STXBP6: variants seen among roughly 807,000 people sequenced by gnomAD.
STXBP6 encodes the protein syntaxin-binding protein 6.
Under a neutral mutation model 26.9 loss-of-function variants are expected in STXBP6, and 21 were observed. The observed-to-expected ratio is 0.78, with a 90% CI of 0.55 to 1.12. The LOEUF (loss-of-function observed/expected upper bound fraction) is 1.12, where lower values mean the gene tolerates loss of function less well. Ranked by LOEUF, STXBP6 falls within the 50% of genes most tolerant of loss-of-function variation. The probability of loss-of-function intolerance (pLI) is 0.00; values close to 1 mark genes in which losing one functional copy is unlikely to be tolerated. For missense variants in STXBP6, 232 were observed against 257.9 expected, an observed-to-expected ratio of 0.90 and a Z score of 0.69; for synonymous variants, 97 against 92.6, an observed-to-expected ratio of 1.05 and a Z score of -0.27.
At position 24,998,006 on chromosome 14, in the gene STXBP6, T is replaced by A. The variant is rs116134725; in HGVS notation, c.-32-23156A>T. On this transcript the variant is annotated intron_variant, in intron 1 of 5. Transcript: ENST00000323944. ...TCCAATTTTTCAATGGTAAAAAATA[T>A]AACCACCATTGTGCATCTGTGCAAA... 6.7e-3 allele frequency among the ~76,000 whole-genome samples: 1,020 copies of A among 152,348 alleles called. 8 individuals carry two copies. The highest frequency in any genetic ancestry group is 0.023 in the African/African-American group (955 of 41,586).
chr14:25,049,538 G>C lies in STXBP6; in HGVS notation c.-33+340C>G, dbSNP rs868242356. Reference sequence around the variant, plus strand: ...CGGGGCCCATGCCATCGCGGGGACGGTGCGGAAAAAAAGGCTCCATCCTCA... The same window carrying C: ...CGGGGCCCATGCCATCGCGGGGACGCTGCGGAAAAAAAGGCTCCATCCTCA... On this transcript the variant is annotated intron_variant, in intron 1 of 5. Coordinates refer to ENST00000323944, the MANE Select transcript of STXBP6 (RefSeq NM_001394410.1). This position sits in a 1 kb window ranked among gnomAD's most constrained non-coding sequence, Gnocchi z 5.6. 1.2e-5 allele frequency: 12 copies of C among 985,336 alleles called. No homozygotes were observed. The highest frequency in any genetic ancestry group is 5.2e-4 in the Middle Eastern group (1 of 1,936). 61.0% of individuals were successfully genotyped at this position (985,336 alleles called of 1,614,324 possible).
At chr14:25,037,178 G>C (rs569091636) in intron 1 of STXBP6, among the ~76,000 whole-genome samples, 37 of 152,280 alleles carry the variant, frequency 2.4e-4, no homozygotes, top group Admixed American at 1.3e-3. Flanking sequence ...GTGTCCTGAA[G>C]CCTGACACAG....
At chr14:24,927,782 T>C (rs2072232020) in intron 2 of STXBP6, among the ~76,000 whole-genome samples, 2 of 152,194 alleles carry the variant, frequency 1.3e-5, no homozygotes, top group African/African-American at 4.8e-5. Flanking sequence ...TTAGGACAGT[T>C]TTCCCCCTCC....
intron 1 of STXBP6, among the ~76,000 whole-genome samples, chr14:25,001,701 A>T (rs950449084): frequency 1.3e-5 from 2 of 152,166 alleles, no homozygotes; most frequent in African/African-American, 4.8e-5. Flanking sequence ...TAATTCCAAC[A>T]TCTGTTTCAA....
At chr14:25,046,994 T>A (rs935540454) in intron 1 of STXBP6, among the ~76,000 whole-genome samples, 2 of 152,202 alleles carry the variant, frequency 1.3e-5, no homozygotes, top group African/African-American at 4.8e-5. Context: ...GGGACATTTG[T>A]CGTGGGGTGT....
chr14:24,895,651 TA>T (rs2070961537), intron 2 of STXBP6, among the ~76,000 whole-genome samples: 1 of 152,164 alleles, frequency 6.6e-6, no homozygotes, highest in Non-Finnish European at 1.5e-5. Context: ...TCCTCTCAAA[TA>T]CGCAGAAGAT....
At chr14:24,831,474 G>A (rs1214754353) in intron 4 of STXBP6, among the ~76,000 whole-genome samples, 1 of 152,092 alleles carries the variant, frequency 6.6e-6, no homozygotes, top group African/African-American at 2.4e-5. Flanking sequence ...AATAAAAAGG[G>A]TGGAAAATAA....
In STXBP6 at chr14:24,895,444, G is replaced by A. The variant is rs936552620; in HGVS notation, c.155-38287C>T. Among the ~76,000 whole-genome samples the A allele has an allele frequency of 4.6e-5, 7 of 152,182 alleles. No homozygotes were observed. The South Asian group carries it at 1.4e-3, about 31-fold the overall frequency. On this transcript the variant is annotated intron_variant, in intron 2 of 5. Coordinates refer to ENST00000323944, the MANE Select transcript of STXBP6 (RefSeq NM_001394410.1). ...TTACTGGCATTCATGTCCAGTGAAAGGAAGGCGGTTAGGAGGAGTCGCAAT... is the reference window on the plus strand; with the variant it reads ...TTACTGGCATTCATGTCCAGTGAAAAGAAGGCGGTTAGGAGGAGTCGCAAT...
intron 1 of STXBP6, among the ~76,000 whole-genome samples, chr14:25,028,486 A>G (rs1283402371): frequency 6.6e-6 from 1 of 151,588 alleles, no homozygotes; most frequent in Non-Finnish European, 1.5e-5. Context: ...TTTTAAGCTC[A>G]TTGTTGAGAC....
chr14:24,955,756 A>G (rs147900491), intron 2 of STXBP6, among the ~76,000 whole-genome samples: 1 of 152,288 alleles, frequency 6.6e-6, no homozygotes, highest in Non-Finnish European at 1.5e-5. Context: ...AAGAGCACTG[A>G]ACCAACTGTG....
At chr14:24,933,112 G>A (rs1034231300) in intron 2 of STXBP6, among the ~76,000 whole-genome samples, 16 of 152,176 alleles carry the variant, frequency 1.1e-4, no homozygotes, top group East Asian at 7.7e-4. Context: ...AGGCCAAGGC[G>A]GATGGATTGC....
chr14:24,979,995 C>T (rs2074144628), intron 1 of STXBP6, among the ~76,000 whole-genome samples: 1 of 152,126 alleles, frequency 6.6e-6, no homozygotes, highest in African/African-American at 2.4e-5. Flanking sequence ...GACAAAGAAA[C>T]ACAATAATCT....
chr14:24,893,525 G>C (rs982710171), intron 2 of STXBP6, among the ~76,000 whole-genome samples: 1 of 152,182 alleles, frequency 6.6e-6, no homozygotes, highest in Non-Finnish European at 1.5e-5. Flanking sequence ...ACTTAAGAGT[G>C]TTAGGTAACA....
chr14:24,953,719 C>T (rs76965732), intron 2 of STXBP6, among the ~76,000 whole-genome samples: 1,807 of 152,270 alleles, frequency 0.012, 14 homozygotes, highest in Middle Eastern at 0.034. Context: ...TTTTTGTCCA[C>T]AGTAAGATCT....
intron 2 of STXBP6, among the ~76,000 whole-genome samples, chr14:24,883,074 T>C (rs1237687442): frequency 1.3e-5 from 2 of 152,198 alleles, no homozygotes; most frequent in Non-Finnish European, 2.9e-5. Context: ...ATGCAACAAC[T>C]ATAATGCTAT....
rs1312775185 is a variant in STXBP6, at chr14:24,986,406, G to A, written c.-32-11556C>T. Among the ~76,000 whole-genome samples the A allele has an allele frequency of 2.6e-5, 4 of 152,100 alleles. No homozygotes were observed. In the South Asian group the frequency reaches 6.2e-4, roughly 24 times the overall value. ...AACTGAGCCCCTTCTACAGTCTCCAGGCTCTGAGCCACTGGCAGAAGAATA... is the reference window on the plus strand; with the variant it reads ...AACTGAGCCCCTTCTACAGTCTCCAAGCTCTGAGCCACTGGCAGAAGAATA... On this transcript the variant is annotated intron_variant, in intron 1 of 5. Transcript: ENST00000323944.
At chr14:24,829,281 T>C (rs1410172930) in intron 4 of STXBP6, among the ~76,000 whole-genome samples, 4 of 152,238 alleles carry the variant, frequency 2.6e-5, no homozygotes, top group African/African-American at 7.2e-5. Context: ...ATGTCTTGTC[T>C]GTTTAAAGTA....
At chr14:24,917,345 G>A (rs2071804200) in intron 2 of STXBP6, among the ~76,000 whole-genome samples, 2 of 151,980 alleles carry the variant, frequency 1.3e-5, no homozygotes, top group Admixed American at 1.3e-4. Context: ...ACGCACGTGG[G>A]GACAGAAGGA....
intron 4 of STXBP6, among the ~76,000 whole-genome samples, chr14:24,855,641 T>A (rs1384485199): frequency 6.6e-6 from 1 of 152,112 alleles, no homozygotes; most frequent in East Asian, 1.9e-4. Flanking sequence ...AAAAGGTTTT[T>A]CTAATAAGGG....
Sources: allele counts gnomAD v4.1 joint callset (sites outside exome capture counted in the v4.1 genomes callset), GRCh38; gene constraint gnomAD v4.1.1; non-coding constraint Gnocchi (gnomAD v3.1); transcripts MANE v1.5; gene names NCBI Gene and HGNC (gene_info 2026-07-23, HGNC 2026-07-21).